CD33: variants seen among roughly 807,000 people sequenced by gnomAD.
CD33 encodes the protein myeloid cell surface antigen CD33.
A neutral mutation model predicts 31.4 loss-of-function variants in CD33; 25 were observed. That is an observed-to-expected ratio of 0.80 (90% CI 0.58 to 1.11). The LOEUF (loss-of-function observed/expected upper bound fraction) is 1.11, where lower values mean the gene tolerates loss of function less well. Ranked by LOEUF, CD33 falls within the 50% of genes most tolerant of loss-of-function variation. The pLI, the probability that CD33 is intolerant of heterozygous loss-of-function variation, is 0.00. For missense variants in CD33, 407 were observed against 448.1 expected (o/e 0.91, Z 0.83); for synonymous variants, 176 against 180.6 (o/e 0.97, Z 0.20).
the CD33 span, among the ~76,000 whole-genome samples, chr19:51,216,221 C>CGTGTGTGTGTGTGT: frequency 3.1e-4 from 43 of 140,576 alleles, 1 homozygote; most frequent in African/African-American, 8.4e-4. Flanking sequence ...AAATGTCACC[C>CGTGTGTGTGTGTGT]GAGTGTGTGT....
the CD33 span, chr19:51,211,889 G>T: frequency 6.9e-7 from 1 of 1,439,026 alleles, no homozygotes; most frequent in African/African-American, 1.4e-5. Flanking sequence ...GTGAGCAGGG[G>T]ACGCCCCCCA....
the CD33 span, among the ~76,000 whole-genome samples, chr19:51,214,221 T>C: frequency 7.0e-6 from 1 of 142,058 alleles, no homozygotes; most frequent in East Asian, 2.0e-4. Flanking sequence ...TTTTTTTAGA[T>C]GGAGTCTCAC....
the CD33 span, among the ~76,000 whole-genome samples, chr19:51,216,223 A>T: frequency 0.51 from 65,294 of 128,390 alleles, 15,965 homozygotes; most frequent in African/African-American, 0.63. Flanking sequence ...ATGTCACCCG[A>T]GTGTGTGTGT....
chr19:51,230,367 C>G (rs144638059), intron 4 of CD33, among the ~76,000 whole-genome samples: 4 of 152,228 alleles, frequency 2.6e-5, no homozygotes, highest in Admixed American at 6.5e-5. Flanking sequence ...CTGTAAATAT[C>G]TTAGGTTCAT....
At position 51,226,101 on chromosome 19, in the gene CD33, G is replaced by T. The variant is rs770824407; in HGVS notation, c.697+20G>T. On this transcript the variant is annotated intron_variant, in intron 3 of 6. Transcript: ENST00000262262. ...TCACCTGTAAGTGCTGGGCCAGGAT[G>T]CTGGGGTCCCTGAGGGTGTAGGGGA... is the stretch of plus-strand genomic sequence containing the variant. 5 of 1,611,638 alleles carry T rather than the reference G, an allele frequency of 3.1e-6. No homozygotes were observed. In the Admixed American group the frequency reaches 8.3e-5, roughly 27 times the overall value.
upstream of CD33, among the ~76,000 whole-genome samples, chr19:51,222,871 A>C (rs535477298): frequency 6.6e-6 from 1 of 152,340 alleles, no homozygotes; most frequent in Admixed American, 6.5e-5. Flanking sequence ...TAAGACTCAC[A>C]TATTCATATT....
At chr19:51,225,635 T>C (rs752738154) in intron 2 of CD33, 37 bp downstream of exon 2, 1 of 1,538,830 alleles carries the variant, frequency 6.5e-7, no homozygotes, top group South Asian at 1.3e-5. Flanking sequence ...GCAAGGGAAG[T>C]TCATGGGTAC....
In CD33 at chr19:51,239,883, T is replaced by C. The variant is rs1004322073; in HGVS notation, c.*195T>C. The C allele has an allele frequency of 1.1e-4, 52 of 454,820 alleles. No individual in the cohort carries two copies. The highest frequency in any genetic ancestry group is 1.9e-4 in the Non-Finnish European group (48 of 258,610). The allele number at this position is 454,820 out of a possible 1,614,324, so 28.2% of individuals were successfully genotyped here. ...GGAATCAAATCTGTGCTCTTTCATT[T>C]GCTAAGTGTATGATGTCACACAAGC... On this transcript the variant is annotated 3_prime_UTR_variant, in exon 7 of 7. Transcript: ENST00000262262.
chr19:51,226,121 A>C lies in CD33; in HGVS notation c.697+40A>C, dbSNP rs762353705. The C allele has an allele frequency of 5.0e-6, 8 of 1,602,644 alleles. No individual in the cohort carries two copies. The Admixed American group carries it at 8.4e-5, about 17-fold the overall frequency. ...AGGATGCTGGGGTCCCTGAGGGTGT[A>C]GGGGAGACAGGATGGGCTGGTGCTG... On this transcript the variant is annotated intron_variant, in intron 3 of 6. Transcript: ENST00000262262.
intron 4 of CD33, among the ~76,000 whole-genome samples, chr19:51,230,116 T>C (rs531926756): frequency 6.6e-6 from 1 of 152,346 alleles, no homozygotes; most frequent in African/African-American, 2.4e-5. Flanking sequence ...CTTAATTTCT[T>C]CCTTCACTAT....
chr19:51,227,930 T>C (rs1324208906), intron 4 of CD33, among the ~76,000 whole-genome samples: 1 of 152,192 alleles, frequency 6.6e-6, no homozygotes, highest in Non-Finnish European at 1.5e-5. Flanking sequence ...GTCATTCTTC[T>C]GCATATGGCA....
At chr19:51,236,544 A>T (rs1380219093) in intron 6 of CD33, 2 of 152,448 alleles carry the variant, frequency 1.3e-5, no homozygotes, top group African/African-American at 4.8e-5. Flanking sequence ...CAAGTCCTTT[A>T]TTAGCTCTAG....
chr19:51,225,072 C>A, upstream of CD33: 1 of 1,611,906 alleles, frequency 6.2e-7, no homozygotes, highest in Non-Finnish European at 8.5e-7. Flanking sequence ...CCACTCCCTT[C>A]CTCTTTTCTG....
At chr19:51,231,603 G>GTT (rs774556770) in intron 4 of CD33, among the ~76,000 whole-genome samples, 8 of 123,228 alleles carry the variant, frequency 6.5e-5, no homozygotes, top group South Asian at 2.4e-4. Context: ...GTTGGCTGAT[G>GTT]TTTTTTTTTT....
intron 5 of CD33, 96 bp from the exon 6 acceptor site, chr19:51,235,499 C>CA: frequency 1.3e-6 from 2 of 1,486,324 alleles, no homozygotes; most frequent in Non-Finnish European, 9.0e-7. Flanking sequence ...GGATTAATCC[C>CA]ACCCTTTACC....
rs1980926440 is a variant in CD33, at chr19:51,225,435, G to A, written c.255G>A (p.Glu85=). 6 of 1,614,180 alleles carry A rather than the reference G, an allele frequency of 3.7e-6. No homozygotes were observed. The highest frequency in any genetic ancestry group is 5.1e-6 in the Non-Finnish European group (6 of 1,180,012). Reference sequence around the variant, plus strand: ...AGCTAGATCAAGAAGTACAGGAGGAGACTCAGGGCAGATTCCGCCTCCTTG... The same window carrying A: ...AGCTAGATCAAGAAGTACAGGAGGAAACTCAGGGCAGATTCCGCCTCCTTG... ...TNKLDQEVQE[E]TQGRFRLLGD... is the part of the protein sequence containing the mutation. Residue 85 remains glutamate (E), a synonymous_variant, in exon 2 of 7, where the codon GAG becomes GAA. Coordinates refer to ENST00000262262, the MANE Select transcript of CD33 (RefSeq NM_001772.4).
At chr19:51,236,561 A>G (rs542161332) in intron 6 of CD33, 1 of 152,448 alleles carries the variant, frequency 6.6e-6, no homozygotes, top group African/African-American at 2.4e-5. Context: ...CTAGAAATCT[A>G]CTATCCTTGG....
chr19:51,225,696 A>G, intron 2 of CD33, 98 bp downstream of exon 2: 1 of 1,536,534 alleles, frequency 6.5e-7, no homozygotes, highest in Non-Finnish European at 8.8e-7. Context: ...GTTTAGGGGT[A>G]AAGCCTGTCG....
chr19:51,216,092 C>T, the CD33 span, among the ~76,000 whole-genome samples: 1 of 152,158 alleles, frequency 6.6e-6, no homozygotes, highest in South Asian at 2.1e-4. Context: ...CTCCCCACAC[C>T]CACTGGGCCA....
Sources: gnomAD v4.1 joint callset for allele counts (sites outside exome capture counted in the v4.1 genomes callset) on GRCh38, gnomAD v4.1.1 for gene constraint, MANE v1.5 for transcripts, NCBI Gene and HGNC (gene_info 2026-07-23, HGNC 2026-07-21) for gene names.